PGCKA1: variants seen among roughly 807,000 people sequenced by gnomAD.
PGCKA1 encodes the protein PDCD10 and GCKIII kinases associated 1, also known as PDCD10 and GCKIII kinases-associated protein 1.
chr4:37,464,239 C>T, the PGCKA1 span, among the ~76,000 whole-genome samples: 1 of 152,160 alleles, frequency 6.6e-6, no homozygotes, highest in Non-Finnish European at 1.5e-5. Flanking sequence ...GAAGCTATGG[C>T]CCACTTGGAG....
At chr4:37,529,770 G>C in the PGCKA1 span, among the ~76,000 whole-genome samples, 5 of 152,168 alleles carry the variant, frequency 3.3e-5, no homozygotes, top group African/African-American at 4.8e-5. Flanking sequence ...CCCCAACCTT[G>C]AGTTGATTTA....
the PGCKA1 span, among the ~76,000 whole-genome samples, chr4:37,494,210 T>C: frequency 3.3e-5 from 5 of 152,178 alleles, no homozygotes; most frequent in Non-Finnish European, 5.9e-5. Flanking sequence ...GGGGGTTTGT[T>C]GTACAGATTA....
the PGCKA1 span, among the ~76,000 whole-genome samples, chr4:37,482,860 A>T: frequency 6.6e-6 from 1 of 152,164 alleles, no homozygotes; most frequent in Non-Finnish European, 1.5e-5. Context: ...GGGCCAACAT[A>T]CAGCTTAGAC....
chr4:37,535,735 C>G, the PGCKA1 span, among the ~76,000 whole-genome samples: 1 of 152,218 alleles, frequency 6.6e-6, no homozygotes, highest in East Asian at 1.9e-4. Flanking sequence ...ATTACCACCA[C>G]CACATTATGG....
chr4:37,569,088 C>A, the PGCKA1 span, among the ~76,000 whole-genome samples: 2 of 151,156 alleles, frequency 1.3e-5, no homozygotes, highest in African/African-American at 2.4e-5. Context: ...CAGAGTGAGA[C>A]CCTGTCTCAA....
the PGCKA1 span, among the ~76,000 whole-genome samples, chr4:37,534,100 A>T: frequency 1.3e-5 from 2 of 152,222 alleles, no homozygotes; most frequent in Non-Finnish European, 2.9e-5. Context: ...AGGAAGCAAG[A>T]TGAAATAGGT....
the PGCKA1 span, among the ~76,000 whole-genome samples, chr4:37,576,782 A>G: frequency 1.3e-5 from 2 of 152,166 alleles, no homozygotes; most frequent in South Asian, 4.1e-4. Context: ...TAGGGTTTTT[A>G]TGAAGGGATG....
the PGCKA1 span, among the ~76,000 whole-genome samples, chr4:37,468,375 T>C: frequency 6.6e-6 from 1 of 152,168 alleles, no homozygotes; most frequent in Non-Finnish European, 1.5e-5. Context: ...CCTCCTCCTT[T>C]GACCGAAATG....
chr4:37,496,447 G>A, the PGCKA1 span, among the ~76,000 whole-genome samples: 11 of 152,136 alleles, frequency 7.2e-5, no homozygotes, highest in Admixed American at 7.2e-4. Flanking sequence ...TATGTATTCT[G>A]TTCCATTGGT....
chr4:37,536,376 CTT>C, the PGCKA1 span, among the ~76,000 whole-genome samples: 1 of 151,128 alleles, frequency 6.6e-6, no homozygotes, highest in Non-Finnish European at 1.5e-5. Flanking sequence ...AAACAACAAA[CTT>C]TTTTTTTTAT....
At chr4:37,551,198 A>G in the PGCKA1 span, among the ~76,000 whole-genome samples, 1 of 152,196 alleles carries the variant, frequency 6.6e-6, no homozygotes, top group African/African-American at 2.4e-5. Flanking sequence ...GTGGACAGGT[A>G]GCTGTGTAAT....
the PGCKA1 span, among the ~76,000 whole-genome samples, chr4:37,524,372 AGGCTTGATTGG>A: frequency 0.14 from 21,029 of 152,134 alleles, 1,535 homozygotes; most frequent in East Asian, 0.26. Flanking sequence ...TTAGTCATGG[AGGCTTGATTGG>A]GGCTGAGGAT....
At chr4:37,564,518 T>TA in the PGCKA1 span, among the ~76,000 whole-genome samples, 69,309 of 151,170 alleles carry the variant, frequency 0.46, 16,760 homozygotes, top group South Asian at 0.54. Context: ...TTTATTTATT[T>TA]TTTTTGAGAT....
the PGCKA1 span, among the ~76,000 whole-genome samples, chr4:37,553,579 C>CACATACCATTATCTTAT: frequency 3.5e-4 from 53 of 152,200 alleles, no homozygotes; most frequent in African/African-American, 1.3e-3. Context: ...CATTATCTTA[C>CACATACCATTATCTTAT]GTAACACAAA....
chr4:37,580,938 C>T, the PGCKA1 span, among the ~76,000 whole-genome samples: 1 of 152,108 alleles, frequency 6.6e-6, no homozygotes, highest in East Asian at 1.9e-4. Context: ...GCTGAGCTGT[C>T]ACTCAAACCA....
the PGCKA1 span, among the ~76,000 whole-genome samples, chr4:37,524,671 T>C: frequency 0.58 from 88,830 of 152,078 alleles, 26,472 homozygotes; most frequent in South Asian, 0.68. Flanking sequence ...CCACTTGGGG[T>C]ACTTAATAAC....
chr4:37,573,979 G>A, the PGCKA1 span, among the ~76,000 whole-genome samples: 1 of 152,146 alleles, frequency 6.6e-6, no homozygotes, highest in East Asian at 1.9e-4. Flanking sequence ...CACGAGGTCA[G>A]GAGTTCAAGA....
the PGCKA1 span, among the ~76,000 whole-genome samples, chr4:37,472,996 A>G: frequency 6.6e-6 from 1 of 152,216 alleles, no homozygotes; most frequent in Non-Finnish European, 1.5e-5. Flanking sequence ...ACAGAATCAA[A>G]GATGACTTGA....
the PGCKA1 span, among the ~76,000 whole-genome samples, chr4:37,541,411 T>G: frequency 6.6e-6 from 1 of 152,184 alleles, no homozygotes; most frequent in East Asian, 1.9e-4. Context: ...AAAGTCTTCC[T>G]ATTAGAGGTA....
Sources: gnomAD v4.1 joint callset for allele counts (sites outside exome capture counted in the v4.1 genomes callset) on GRCh38, gnomAD v4.1.1 for gene constraint, MANE v1.5 for transcripts, NCBI Gene and HGNC (gene_info 2026-07-23, HGNC 2026-07-21) for gene names.